Variants in SOCS7 observed in about 807,000 individuals in gnomAD.
The protein encoded by SOCS7 is suppressor of cytokine signaling 7.
Under a neutral mutation model 58.9 loss-of-function variants are expected in SOCS7, and 18 were observed. The observed-to-expected ratio is 0.31, with a 90% CI of 0.21 to 0.45. The LOEUF is 0.45. Among genes scored for constraint, SOCS7 ranks in the 20% least tolerant of loss-of-function variants. SOCS7 has a pLI of 1.00. For missense variants in SOCS7, 667 were observed against 837.3 expected (o/e 0.80, Z 2.51); for synonymous variants, 388 against 364.3 (o/e 1.06, Z -0.74).
At chr17:38,358,596 T>A (rs1555567155) in intron 1 of SOCS7, among the ~76,000 whole-genome samples, 5 of 151,882 alleles carry the variant, frequency 3.3e-5, no homozygotes, top group Admixed American at 6.6e-5. Flanking sequence ...TTTTTTTTTT[T>A]ATTGTCATCT....
In SOCS7 at chr17:38,400,996, C is replaced by G. The variant is rs1489667532; in HGVS notation, c.*1514C>G. On this transcript the variant is annotated 3_prime_UTR_variant, in exon 10 of 10. Coordinates refer to ENST00000612932, the MANE Select transcript of SOCS7 (RefSeq NM_014598.4). ...GGGTTCCCCATGCTTATAGTTGCCTCGTGTCACAAGACAGATACTAATGTC... is the reference window on the plus strand; with the variant it reads ...GGGTTCCCCATGCTTATAGTTGCCTGGTGTCACAAGACAGATACTAATGTC... 6.6e-6 allele frequency: 1 copy of G among 152,196 alleles called. No individual in the cohort carries two copies. Among genetic ancestry groups the G allele is most frequent in the African/African-American group, 2.4e-5 (1 of 41,442 alleles). 9.4% of individuals were successfully genotyped at this position (152,196 alleles called of 1,614,324 possible). A position where few individuals can be genotyped will look rare whatever the true frequency, so the allele number is the denominator to read the frequency against.
In SOCS7 at chr17:38,391,595, C is replaced by T. The variant is rs530124284; in HGVS notation, c.1682-3714C>T. Reference sequence around the variant, plus strand: ...TAATTTTTGTAGAGGTAAGGTCTCCCTCCCTATGTTGCCCAGGCCAATCTT... The same window carrying T: ...TAATTTTTGTAGAGGTAAGGTCTCCTTCCCTATGTTGCCCAGGCCAATCTT... On this transcript the variant is annotated intron_variant, in intron 7 of 9. Coordinates refer to ENST00000612932, the MANE Select transcript of SOCS7 (RefSeq NM_014598.4). Among the ~76,000 whole-genome samples, 27 of 152,044 alleles carry T rather than the reference C, an allele frequency of 1.8e-4. No homozygotes were observed. The South Asian group carries it at 5.6e-3, about 32-fold the overall frequency.
intron 7 of SOCS7, among the ~76,000 whole-genome samples, chr17:38,387,107 A>ATATATATATATATGTATG (rs2144381417): frequency 1.2e-5 from 1 of 84,954 alleles, no homozygotes; most frequent in African/African-American, 7.4e-5. Flanking sequence ...AAAAAAATAT[A>ATATATATATATATGTATG]TATATATATA....
chr17:38,366,913 A>T, intron 5 of SOCS7, among the ~76,000 whole-genome samples: 1 of 152,222 alleles, frequency 6.6e-6, no homozygotes, highest in East Asian at 1.9e-4. Flanking sequence ...TGGGGAAAAA[A>T]TTTGGACATG....
At chr17:38,390,588 G>C (rs1030138968) in intron 7 of SOCS7, among the ~76,000 whole-genome samples, 9 of 150,716 alleles carry the variant, frequency 6.0e-5, no homozygotes, top group Non-Finnish European at 1.3e-4. Flanking sequence ...TGCTTATTTA[G>C]GTCTTTTTAA....
intron 7 of SOCS7, among the ~76,000 whole-genome samples, chr17:38,393,894 C>T (rs8080348): frequency 2.6e-5 from 4 of 152,018 alleles, no homozygotes; most frequent in Non-Finnish European, 5.9e-5. Flanking sequence ...AGCAAGACTC[C>T]GCCTCAAAAA....
intron 2 of SOCS7, among the ~76,000 whole-genome samples, chr17:38,364,431 G>A (rs976768889): frequency 6.6e-6 from 1 of 152,180 alleles, no homozygotes; most frequent in Non-Finnish European, 1.5e-5. Context: ...AATGGTATGG[G>A]TTCTATTGGA....
At position 38,402,173 on chromosome 17, in the gene SOCS7, C is replaced by G. The variant is rs939460396; in HGVS notation, c.*2691C>G. 1 of 152,600 alleles carries G rather than the reference C, an allele frequency of 6.6e-6. No individual in the cohort carries two copies. Among genetic ancestry groups the G allele is most frequent in the East Asian group, 1.9e-4 (1 of 5,198 alleles). 9.5% of individuals were successfully genotyped at this position (152,600 alleles called of 1,614,324 possible). Reference sequence around the variant, plus strand: ...TCCCAGCCCTGGCCGCAGCCTAGTCCTTTCTCTGTGGAGTGGGCTGCAAAA... The same window carrying G: ...TCCCAGCCCTGGCCGCAGCCTAGTCGTTTCTCTGTGGAGTGGGCTGCAAAA... On this transcript the variant is annotated 3_prime_UTR_variant, in exon 10 of 10. Transcript: ENST00000612932.
At chr17:38,379,165 A>C (rs547274167) in intron 7 of SOCS7, among the ~76,000 whole-genome samples, 1 of 149,228 alleles carries the variant, frequency 6.7e-6, no homozygotes. Flanking sequence ...CTCAAAAAAA[A>C]AAAACAAAAA....
intron 2 of SOCS7, among the ~76,000 whole-genome samples, chr17:38,364,015 C>T (rs182378057): frequency 1.3e-5 from 2 of 152,272 alleles, no homozygotes. Context: ...TTGTATATGG[C>T]AGGGAACAGA....
chr17:38,380,324 A>G (rs897026865), intron 7 of SOCS7, among the ~76,000 whole-genome samples: 1 of 152,148 alleles, frequency 6.6e-6, no homozygotes, highest in African/African-American at 2.4e-5. Context: ...GTTAGGTAAT[A>G]TAGATCAATC....
At chr17:38,396,344 A>G (rs1417919237) in intron 9 of SOCS7, among the ~76,000 whole-genome samples, 1 of 152,244 alleles carries the variant, frequency 6.6e-6, no homozygotes, top group Non-Finnish European at 1.5e-5. Context: ...GCCTCCTCTC[A>G]TACAGACTTG....
At chr17:38,364,074 A>G (rs2037754929) in intron 2 of SOCS7, among the ~76,000 whole-genome samples, 1 of 152,194 alleles carries the variant, frequency 6.6e-6, no homozygotes, top group South Asian at 2.1e-4. Flanking sequence ...TCCTCCCACC[A>G]AGTTCCTATG....
intron 7 of SOCS7, among the ~76,000 whole-genome samples, chr17:38,380,008 A>G (rs2037980746): frequency 6.6e-6 from 1 of 152,192 alleles, no homozygotes; most frequent in Non-Finnish European, 1.5e-5. Context: ...AACCAGCAAG[A>G]GTAGGGTAGT....
intron 1 of SOCS7, among the ~76,000 whole-genome samples, chr17:38,356,712 C>T (rs1180283435): frequency 2.0e-5 from 3 of 152,062 alleles, no homozygotes; most frequent in Admixed American, 6.6e-5. Context: ...AAGAAATGGG[C>T]CCAGCAACTA....
At chr17:38,365,469 C>A in intron 4 of SOCS7, 60 bp downstream of exon 4, 1 of 1,086,272 alleles carries the variant, frequency 9.2e-7, no homozygotes, top group South Asian at 1.6e-5. Context: ...ATACTTTCTA[C>A]CATAGAAGGA....
intron 1 of SOCS7, among the ~76,000 whole-genome samples, chr17:38,355,237 C>T (rs2037619974): frequency 6.6e-6 from 1 of 152,118 alleles, no homozygotes; most frequent in Non-Finnish European, 1.5e-5. Flanking sequence ...TCCCTTTTTC[C>T]CCCATCTGTA....
At chr17:38,385,142 C>T (rs375096484) in intron 7 of SOCS7, among the ~76,000 whole-genome samples, 3 of 151,872 alleles carry the variant, frequency 2.0e-5, no homozygotes, top group East Asian at 1.9e-4. Flanking sequence ...GTGATCCACC[C>T]GCCTCAGCCT....
At position 38,353,025 on chromosome 17, in the gene SOCS7, G is replaced by A; in HGVS notation, c.973G>A (p.Ala325Thr). 1 of 1,586,380 alleles carries A rather than the reference G, an allele frequency of 6.3e-7. No individual in the cohort carries two copies. Among genetic ancestry groups the A allele is most frequent in the Non-Finnish European group, 8.6e-7 (1 of 1,167,844 alleles). Residue 325 changes from alanine (A) to threonine (T), a missense_variant, in exon 1 of 10, where the codon GCG becomes ACG. This residue lies in a region of SOCS7 where 208 missense variants were observed against 190.3 expected (regional missense o/e 1.09). Coordinates refer to ENST00000612932, the MANE Select transcript of SOCS7 (RefSeq NM_014598.4). ...MGGSAGRELD[A>T]GRKPKLTRTQ... The stretch of plus-strand genomic sequence containing the variant: ...AGGCTCTGCGGGCCGGGAGCTGGAC[G>A]CGGGGAGGTGAGACCGGCCGGGGGC...
Sources: allele counts gnomAD v4.1 joint callset (sites outside exome capture counted in the v4.1 genomes callset), GRCh38; gene constraint gnomAD v4.1.1; regional missense constraint gnomAD v4.1.1; transcripts MANE v1.5; gene names NCBI Gene and HGNC (gene_info 2026-07-23, HGNC 2026-07-21).